Variants in PES1 observed in about 807,000 individuals in gnomAD.
PES1 encodes pescadillo ribosomal biogenesis factor 1.
Under a neutral mutation model 77.1 loss-of-function variants are expected in PES1, and 31 were observed. That is an observed-to-expected ratio of 0.40 (90% CI 0.30 to 0.54). PES1 has a LOEUF of 0.54. Among genes scored for constraint, PES1 ranks in the 20% least tolerant of loss-of-function variants. PES1 has a pLI of 0.45. For synonymous variants in PES1, 282 were observed against 303.0 expected (o/e 0.93, Z 0.72); for missense variants, 658 against 771.7 (o/e 0.85, Z 1.75).
chr22:30,577,228 G>A, intron 14 of PES1, 99 bp from the exon 15 acceptor site: 1 of 1,018,686 alleles, frequency 9.8e-7, no homozygotes, highest in Non-Finnish European at 1.5e-6. Flanking sequence ...AGAGCTTCAA[G>A]AAAAGGTCAC....
At chr22:30,594,583 G>T (rs1004205640), upstream of PES1, among the ~76,000 whole-genome samples, 1 of 152,018 alleles carries the variant, frequency 6.6e-6, no homozygotes, top group Admixed American at 6.6e-5. Flanking sequence ...GGAGGCAAAG[G>T]TGGGAGGATT....
chr22:30,587,103 G>A, intron 4 of PES1, 183 bp downstream of exon 4: 1 of 578,062 alleles, frequency 1.7e-6, no homozygotes, highest in Non-Finnish European at 3.1e-6. Flanking sequence ...TGACAAGCCT[G>A]TAACTACAAA....
At chr22:30,583,013 G>A (rs1162502712) in intron 6 of PES1, among the ~76,000 whole-genome samples, 2 of 152,218 alleles carry the variant, frequency 1.3e-5, no homozygotes, top group African/African-American at 2.4e-5. Context: ...AGGGGAATGC[G>A]TGGCTGGCTC....
At position 30,584,592 on chromosome 22, in the gene PES1, G is replaced by A. The variant is rs371700666; in HGVS notation, c.494C>T (p.Thr165Ile). Residue 165 changes from threonine (T) to isoleucine (I), a missense_variant, in exon 5 of 15, where the codon ACT becomes ATT. Coordinates refer to ENST00000354694, the MANE Select transcript of PES1 (RefSeq NM_014303.4). ...VQTIQLCRRL[T>I]VEFMHYIIAA... Reference sequence around the variant, plus strand: ...GATAATGTAGTGCATGAACTCCACAGTGAGCCGGCGGCACAGCTGAATGGT... The same window carrying A: ...GATAATGTAGTGCATGAACTCCACAATGAGCCGGCGGCACAGCTGAATGGT... 7 of 1,613,246 alleles carry A rather than the reference G, an allele frequency of 4.3e-6. No individual in the cohort carries two copies. The African/African-American group carries it at 8.0e-5, about 18-fold the overall frequency.
At chr22:30,596,626 T>A (rs2087255923), upstream of PES1, among the ~76,000 whole-genome samples, 1 of 152,248 alleles carries the variant, frequency 6.6e-6, no homozygotes, top group Non-Finnish European at 1.5e-5. Flanking sequence ...TCCAGTTTTG[T>A]CAAAAATAAT....
At chr22:30,580,730 C>T (rs375914441) in intron 9 of PES1, 29 bp from the exon 10 acceptor site, 1 of 1,611,494 alleles carries the variant, frequency 6.2e-7, no homozygotes, top group African/African-American at 1.3e-5. Flanking sequence ...GGCCTCGCAC[C>T]ACCAGGGCTG....
Position 30,579,249 on chromosome 22 carries a change from T to C in PES1, c.1409A>G (p.Asp470Gly), listed in dbSNP as rs2086945714. 6.2e-7 allele frequency: 1 copy of C among 1,603,376 alleles called. No homozygotes were observed. The highest frequency in any genetic ancestry group is 8.5e-7 in the Non-Finnish European group (1 of 1,179,196). Reference sequence around the variant, plus strand: ...CTCATTTTCTCCCTCTTCATCACCATCACCTTCGTTGTTGTCGTCCTCTTC... The same window carrying C: ...CTCATTTTCTCCCTCTTCATCACCACCACCTTCGTTGTTGTCGTCCTCTTC... ...EEEEDDNNEG[D>G]GDEEGENEEE... The change falls in exon 13 of 15, where the codon GAT becomes GGT. Residue 470 changes from aspartate (D) to glycine (G), a missense_variant. Physicochemically the swap from Asp to Gly is moderately conservative, Grantham distance 94. Coordinates refer to ENST00000354694, the MANE Select transcript of PES1 (RefSeq NM_014303.4).
chr22:30,591,733 C>A (rs2146481985), intron 1 of PES1, 77 bp downstream of exon 1: 1 of 1,490,594 alleles, frequency 6.7e-7, no homozygotes, highest in Non-Finnish European at 9.1e-7. Context: ...AGACGGAGCC[C>A]GGGAAAAGAG....
intron 2 of PES1, among the ~76,000 whole-genome samples, chr22:30,588,550 G>C (rs1399755883): frequency 1.3e-5 from 2 of 152,178 alleles, no homozygotes; most frequent in African/African-American, 4.8e-5. Context: ...GGCTGAGGCA[G>C]GAGGATCACC....
At chr22:30,580,289 A>G in intron 10 of PES1, 111 bp from the exon 11 acceptor site, 2 of 1,367,784 alleles carry the variant, frequency 1.5e-6, no homozygotes, top group Non-Finnish European at 1.0e-6. Context: ...CCCTCTTAGG[A>G]CACAATTACC....
rs1330384276 is a variant in PES1 at position 30,606,742 on chromosome 22, A to G, written c.-718+67T>C. 6.7e-6 allele frequency: 3 copies of G among 449,672 alleles called. No individual in the cohort carries two copies. The African/African-American group carries it at 8.1e-5, about 12-fold the overall frequency. The allele number at this position is 449,672 out of a possible 1,614,324, so 27.9% of individuals were successfully genotyped here. On this transcript the variant is annotated intron_variant, in intron 1 of 16. Transcript: ENST00000402281. The stretch of plus-strand genomic sequence containing the variant: ...AACTGCCCAACTCCCCCACCCCCAC[A>G]ATCCCCTCCCGCCACAACTGAGGGA...
chr22:30,578,174 C>T (rs944785931), intron 14 of PES1, among the ~76,000 whole-genome samples: 3 of 152,162 alleles, frequency 2.0e-5, no homozygotes, highest in Admixed American at 6.5e-5. Flanking sequence ...CCCAGCTACT[C>T]GGGAGGCTGA....
upstream of PES1, chr22:30,592,249 G>C (rs910874910): frequency 3.8e-5 from 38 of 1,009,178 alleles, no homozygotes; most frequent in Non-Finnish European, 4.3e-5. Context: ...TCCATGGTGC[G>C]CGATAGGATT....
chr22:30,578,576 G>C (rs1001693622), intron 14 of PES1, among the ~76,000 whole-genome samples: 1 of 152,238 alleles, frequency 6.6e-6, no homozygotes. Context: ...TCTGTTTGCA[G>C]ACCCCAGCAG....
chr22:30,596,279 G>T (rs956696517), upstream of PES1, among the ~76,000 whole-genome samples: 25 of 152,020 alleles, frequency 1.6e-4, no homozygotes, highest in African/African-American at 6.0e-4. Flanking sequence ...ATATAGTTCA[G>T]CCAGGTTCCA....
chr22:30,586,358 C>T (rs1049996023), intron 4 of PES1, among the ~76,000 whole-genome samples: 1 of 152,174 alleles, frequency 6.6e-6, no homozygotes, highest in Non-Finnish European at 1.5e-5. Flanking sequence ...TAGGCCAGGG[C>T]ACTTCCTGTG....
Position 30,576,780 on chromosome 22 carries a change from C to G in PES1, c.*266G>C. 3.7e-6 allele frequency: 2 copies of G among 536,464 alleles called. No individual in the cohort carries two copies. The highest frequency in any genetic ancestry group is 6.7e-6 in the Non-Finnish European group (2 of 299,996). The allele number at this position is 536,464 out of a possible 1,614,324, so 33.2% of individuals were successfully genotyped here. On this transcript the variant is annotated 3_prime_UTR_variant, in exon 15 of 15. Transcript: ENST00000354694. ...AGTAGGTAGGGGGCTGGGTGGGCCT[C>G]TGCACCTCATGTCACTGGCTCCTGG...
chr22:30,597,582 T>C (rs1006596970), intron 2 of PES1, among the ~76,000 whole-genome samples: 1 of 147,046 alleles, frequency 6.8e-6, no homozygotes, highest in South Asian at 2.2e-4. Context: ...GGTATGTAAA[T>C]GCACCAATCA....
At position 30,591,890 on chromosome 22, in the gene PES1, C is replaced by A. The variant is rs867510617; in HGVS notation, c.-57G>T. The A allele has an allele frequency of 1.3e-6, 2 of 1,529,396 alleles. No individual in the cohort carries two copies. The highest frequency in any genetic ancestry group is 2.5e-5 in the East Asian group (1 of 39,646). 94.7% of individuals were successfully genotyped at this position (1,529,396 alleles called of 1,614,324 possible). A position where few individuals can be genotyped will look rare whatever the true frequency, so the allele number is the denominator to read the frequency against. On this transcript the variant is annotated 5_prime_UTR_variant, in exon 1 of 15. Transcript: ENST00000354694. Reference sequence around the variant, plus strand: ...GCGTACAGGGAGCTCCACTTCCTCCCGCACGTGCCCTGCCAAGGACCCCGA... The same window carrying A: ...GCGTACAGGGAGCTCCACTTCCTCCAGCACGTGCCCTGCCAAGGACCCCGA...
Sources: allele counts gnomAD v4.1 joint callset (sites outside exome capture counted in the v4.1 genomes callset), GRCh38; gene constraint gnomAD v4.1.1; transcripts MANE v1.5; gene names NCBI Gene and HGNC (gene_info 2026-07-23, HGNC 2026-07-21).